Variants in MYBPC3 observed in about 807,000 individuals in gnomAD.
MYBPC3 encodes myosin-binding protein C, cardiac-type.
In MYBPC3, 108 loss-of-function variants were observed where a neutral mutation model predicts 159.3. The observed-to-expected ratio is 0.68, with a 90% CI of 0.58 to 0.80. MYBPC3 has a LOEUF of 0.80. Among genes scored for constraint, MYBPC3 ranks in the 30% least tolerant of loss-of-function variants. The pLI is 0.00. For synonymous variants in MYBPC3, 730 were observed against 702.0 expected (o/e 1.04, Z -0.63); for missense variants, 1,631 against 1,762.1 (o/e 0.93, Z 1.33).
At chr11:47,347,958 G>T in intron 6 of MYBPC3, 53 bp from the exon 7 acceptor site, 1 of 1,514,250 alleles carries the variant, frequency 6.6e-7, no homozygotes, top group Non-Finnish European at 9.0e-7. Flanking sequence ...GGGGCCGTTT[G>T]AGAAGCCCTG....
chr11:47,344,067 G>A (rs1275265238), intron 12 of MYBPC3, among the ~76,000 whole-genome samples: 2 of 152,224 alleles, frequency 1.3e-5, no homozygotes, highest in East Asian at 1.9e-4. Context: ...GGGATTACAG[G>A]CATGGTGTCT....
chr11:47,352,569 T>C (rs2095901882), intron 1 of MYBPC3, 54 bp downstream of exon 1: 3 of 1,596,356 alleles, frequency 1.9e-6, no homozygotes, highest in East Asian at 2.4e-5. Context: ...TGCTCCCCAA[T>C]TGTAGACACC....
intron 26 of MYBPC3, 45 bp from the exon 27 acceptor site, chr11:47,335,254 C>A (rs1485665802): frequency 8.8e-6 from 13 of 1,469,270 alleles, no homozygotes; most frequent in Non-Finnish European, 1.2e-5. Flanking sequence ...TGTGTCACCA[C>A]TGACACCCCA....
intron 25 of MYBPC3, among the ~76,000 whole-genome samples, chr11:47,337,084 T>C (rs2095883007): frequency 6.6e-6 from 1 of 152,218 alleles, no homozygotes; most frequent in Non-Finnish European, 1.5e-5. Context: ...CTAACAGCTC[T>C]CTGAGATAGG....
In MYBPC3 at chr11:47,339,392, G is replaced by A; in HGVS notation, c.2080C>T (p.Pro694Ser). ...GGGGCATCTGGGGCTGGCCTGGCTG[G>A]GGCCTTATTCCCCTGGGAACAGGGC... ...QKAITQGNKA[P>S]ARPAPDAPED... The change falls in exon 22 of 35, where the codon CCA becomes TCA. Residue 694 changes from proline to serine, a missense_variant. By Grantham distance (74) the Pro-to-Ser change is moderately conservative. Transcript: ENST00000545968. 2 of 1,613,990 alleles carry A rather than the reference G, an allele frequency of 1.2e-6. No individual in the cohort carries two copies. The highest frequency in any genetic ancestry group is 1.7e-6 in the Non-Finnish European group (2 of 1,179,868).
chr11:47,332,108 C>T lies in MYBPC3; in HGVS notation c.3778G>A (p.Gly1260Ser). Residue 1260 changes from glycine (G) to serine (S), a missense_variant, in exon 33 of 35, where the codon GGC (glycine) becomes AGC (serine). Coordinates refer to ENST00000545968, the MANE Select transcript of MYBPC3 (RefSeq NM_000256.3). This position sits in a 1 kb window ranked among gnomAD's most constrained non-coding sequence, Gnocchi z 4.2. ...IYVCRATNLQGEARCECRLEV... is the reference protein window; with the variant it reads ...IYVCRATNLQSEARCECRLEV... ...AGGCGGCACTCACACCGTGCCTCGC[C>T]CTGTAAGTTGGTGGCCCTGCAGACA... 3 of 1,613,396 alleles carry T rather than the reference C, an allele frequency of 1.9e-6. No homozygotes were observed. The highest frequency in any genetic ancestry group is 1.7e-6 in the Non-Finnish European group (2 of 1,179,708).
intron 3 of MYBPC3, 121 bp from the exon 4 acceptor site, chr11:47,350,233 C>G (rs2095899248): frequency 4.0e-6 from 5 of 1,238,828 alleles, no homozygotes; most frequent in Non-Finnish European, 5.6e-6. Context: ...ACACCATTCT[C>G]CTGCCTCAGC....
At chr11:47,334,708 A>C (rs1040517056) in intron 27 of MYBPC3, among the ~76,000 whole-genome samples, 2 of 152,096 alleles carry the variant, frequency 1.3e-5, no homozygotes, top group African/African-American at 4.8e-5. Context: ...GACTACAGGC[A>C]CGCGCCACCA....
intron 12 of MYBPC3, 95 bp from the exon 13 acceptor site, chr11:47,343,719 C>A (rs940521893): frequency 6.3e-6 from 8 of 1,263,136 alleles, no homozygotes; most frequent in East Asian, 2.5e-5. Flanking sequence ...CAGGTCCCCC[C>A]CTCCAATCCC....
chr11:47,348,347 T>A, intron 6 of MYBPC3, 77 bp downstream of exon 6: 1 of 1,069,056 alleles, frequency 9.4e-7, no homozygotes, highest in Non-Finnish European at 1.4e-6. Context: ...GCATCCTCCT[T>A]AGTGTTGGGA....
intron 8 of MYBPC3, 69 bp from the exon 9 acceptor site, chr11:47,347,548 G>A: frequency 1.3e-6 from 2 of 1,562,132 alleles, no homozygotes; most frequent in East Asian, 2.4e-5. Context: ...GGATGGGAGT[G>A]GAGTGGGGAG....
Position 47,337,453 on chromosome 11 carries a change from T to C in MYBPC3, c.2540A>G (p.Tyr847Cys), listed in dbSNP as rs864622071. 1 of 1,613,404 alleles carries C rather than the reference T, an allele frequency of 6.2e-7. No homozygotes were observed. Among genetic ancestry groups the C allele is most frequent in the Non-Finnish European group, 8.5e-7 (1 of 1,179,798 alleles). Residue 847 changes from tyrosine (Y) to cysteine (C), a missense_variant, in exon 25 of 35, where the codon TAC becomes TGC. Physicochemically the swap from Tyr to Cys is radical, Grantham distance 194. Transcript: ENST00000545968. ...GGACATGCCGATGGCGTTGACCGCGTAGACGCGCATCTCGTACACCACGCC... is the reference window on the plus strand; with the variant it reads ...GGACATGCCGATGGCGTTGACCGCGCAGACGCGCATCTCGTACACCACGCC... Reference protein sequence around the residue: ...IEGVVYEMRVYAVNAIGMSRP... With the variant: ...IEGVVYEMRVCAVNAIGMSRP...
rs1348098603 is a variant in MYBPC3 at position 47,346,264 on chromosome 11, G to A, written c.1033C>T (p.Leu345=). The stretch of plus-strand genomic sequence containing the variant: ...TTGAGCCTCTTTAGCATGCCGCGCA[G>A]GTCAGTGACGCCGTACTGGAAGGCG... ...RIAFQYGVTD[L]RGMLKRLKGM... Residue 345 remains leucine (L), a synonymous_variant, in exon 12 of 35, where the codon CTG becomes TTG. Transcript: ENST00000545968. This position sits in a 1 kb window ranked among gnomAD's most constrained non-coding sequence, Gnocchi z 5.3. The A allele has an allele frequency of 6.2e-6, 10 of 1,613,778 alleles. No individual in the cohort carries two copies. Among genetic ancestry groups the A allele is most frequent in the African/African-American group, 1.3e-5 (1 of 74,918 alleles).
rs1321431768 is a variant in MYBPC3 at position 47,332,474 on chromosome 11, A to G, written c.3627+92T>C. ...ATACACCCCAAGGTGGAGAGAAAGC[A>G]GGGGAGACAGGCTGGGGAGAGGACT... On this transcript the variant is annotated intron_variant, in intron 32 of 34. Coordinates refer to ENST00000545968, the MANE Select transcript of MYBPC3 (RefSeq NM_000256.3). This position sits in a 1 kb window ranked among gnomAD's most constrained non-coding sequence, Gnocchi z 4.2. 2 of 1,528,282 alleles carry G rather than the reference A, an allele frequency of 1.3e-6. No homozygotes were observed. The highest frequency in any genetic ancestry group is 1.8e-6 in the Non-Finnish European group (2 of 1,133,064). The allele number at this position is 1,528,282 out of a possible 1,614,324, so 94.7% of individuals were successfully genotyped here.
At position 47,341,207 on chromosome 11, in the gene MYBPC3, C is replaced by T. The variant is rs371564200; in HGVS notation, c.1828G>A (p.Asp610Asn). 21 of 1,598,984 alleles carry T rather than the reference C, an allele frequency of 1.3e-5. No individual in the cohort carries two copies. Among genetic ancestry groups the T allele is most frequent in the South Asian group, 1.2e-4 (11 of 88,150 alleles). The change falls in exon 19 of 35, where the codon GAC becomes AAC. Residue 610 changes from aspartate (D) to asparagine (N), a missense_variant. By Grantham distance (23) the Asp-to-Asn change is conservative. Coordinates refer to ENST00000545968, the MANE Select transcript of MYBPC3 (RefSeq NM_000256.3). ...GGCACAAAGCTGTAGTCAGCCTCGTCGGCAGGTGTGACGTCGTCAATGGTC... is the reference window on the plus strand; with the variant it reads ...GGCACAAAGCTGTAGTCAGCCTCGTTGGCAGGTGTGACGTCGTCAATGGTC... ...KLTIDDVTPA[D>N]EADYSFVPEG...
Position 47,338,155 on chromosome 11 carries a change from C to A in MYBPC3, c.2309-361G>T, listed in dbSNP as rs11570094. On this transcript the variant is annotated intron_variant, in intron 23 of 34. Coordinates refer to ENST00000545968, the MANE Select transcript of MYBPC3 (RefSeq NM_000256.3). This position sits in a 1 kb window ranked among gnomAD's most constrained non-coding sequence, Gnocchi z 4.7. The stretch of plus-strand genomic sequence containing the variant: ...ACATGTTTCATTCATTCTCCACACC[C>A]AAAAGGCCCTTTCCCTCCTCCACCC... Among the ~76,000 whole-genome samples, 37,086 of 151,650 alleles carry A rather than the reference C, an allele frequency of 0.24. 5,305 individuals carry two copies. The highest frequency in any genetic ancestry group is 0.36 in the Admixed American group (5,525 of 15,236).
Position 47,351,389 on chromosome 11 carries a change from C to G in MYBPC3, c.142G>C (p.Asp48His). The change falls in exon 2 of 35, where the codon GAC becomes CAC. Residue 48 changes from aspartate (D) to histidine (H), a missense_variant. Coordinates refer to ENST00000545968, the MANE Select transcript of MYBPC3 (RefSeq NM_000256.3). The surrounding 1 kb of genome is among the most constrained non-coding windows in gnomAD (Gnocchi z 4.2). ...CCGTACTTGTTGCTGGCGCTGATGT[C>G]ACTGCCTCCGCGCTGCCAGCGCACC... ...VKVRWQRGGS[D>H]ISASNKYGLA... is the part of the protein sequence containing the mutation. 6.2e-7 allele frequency: 1 copy of G among 1,609,616 alleles called. No individual in the cohort carries two copies. The highest frequency in any genetic ancestry group is 1.1e-5 in the South Asian group (1 of 90,364).
rs373946195 is a variant in MYBPC3 at position 47,350,058 on chromosome 11, A to G, written c.461T>C (p.Ile154Thr). Residue 154 changes from isoleucine to threonine, a missense_variant, in exon 4 of 35, where the codon ATT becomes ACT. Coordinates refer to ENST00000545968, the MANE Select transcript of MYBPC3 (RefSeq NM_000256.3). ...GPTPGAPDDP[I>T]GLFVMRPQDG... ...CTGTGGCCGCATCACGAAGAGGCCA[A>G]TGGGGTCATCGGGGGCTCCAGGGGT... 87 of 1,564,476 alleles carry G rather than the reference A, an allele frequency of 5.6e-5. No individual in the cohort carries two copies. In the African/African-American group the frequency reaches 6.8e-4, roughly 12 times the overall value.
chr11:47,338,731 T>G lies in MYBPC3; in HGVS notation c.2149-52A>C. On this transcript the variant is annotated intron_variant, in intron 22 of 34. Coordinates refer to ENST00000545968, the MANE Select transcript of MYBPC3 (RefSeq NM_000256.3). The surrounding 1 kb of genome is among the most constrained non-coding windows in gnomAD (Gnocchi z 4.7). ...ATCCAAGTCAGACCCCAGAGGCCCT[T>G]GCAGCCTCCGCCAACAGCCAGATGT... The G allele has an allele frequency of 6.5e-7, 1 of 1,533,334 alleles. No homozygotes were observed. Among genetic ancestry groups the G allele is most frequent in the Non-Finnish European group, 8.8e-7 (1 of 1,139,226 alleles). 95.0% of individuals were successfully genotyped at this position (1,533,334 alleles called of 1,614,324 possible).
Sources: gnomAD v4.1 joint callset for allele counts (sites outside exome capture counted in the v4.1 genomes callset) on GRCh38, gnomAD v4.1.1 for gene constraint, Gnocchi (gnomAD v3.1) non-coding constraint, MANE v1.5 for transcripts, NCBI Gene and HGNC (gene_info 2026-07-23, HGNC 2026-07-21) for gene names.